Variants in SOX5 observed in about 807,000 individuals in gnomAD.
SOX5 encodes transcription factor SOX-5.
Under a neutral mutation model 92.0 loss-of-function variants are expected in SOX5, and 9 were observed. The ratio of observed to expected loss-of-function variants is 0.10; its 90% confidence interval spans 0.06 to 0.17. The LOEUF (loss-of-function observed/expected upper bound fraction) is 0.17, where lower values mean the gene tolerates loss of function less well. SOX5 is among the 10% of genes least tolerant of loss of function. SOX5 has a pLI of 1.00. For synonymous variants in SOX5, 344 were observed against 336.3 expected (o/e 1.02, Z -0.25); for missense variants, 642 against 944.5 (o/e 0.68, Z 4.20).
intron 6 of SOX5, among the ~76,000 whole-genome samples, chr12:23,689,841 G>A (rs1310937664): frequency 1.3e-5 from 2 of 152,206 alleles, no homozygotes; most frequent in African/African-American, 2.4e-5. Flanking sequence ...TTCTCACAGT[G>A]AGAGATATGT....
chr12:23,723,295 ACT>A (rs2092923949), intron 6 of SOX5, among the ~76,000 whole-genome samples: 1 of 151,828 alleles, frequency 6.6e-6, no homozygotes, highest in African/African-American at 2.4e-5. Context: ...TTTCCAACTT[ACT>A]CTGTTTATTA....
intron 1 of SOX5, among the ~76,000 whole-genome samples, chr12:23,904,950 A>G (rs1373569999): frequency 6.6e-6 from 1 of 152,200 alleles, no homozygotes; most frequent in African/African-American, 2.4e-5. Flanking sequence ...TTAGATGCGC[A>G]AAACAATGTA....
chr12:23,986,770 GA>G (rs565054665), intron 4 of SOX5, among the ~76,000 whole-genome samples: 15 of 152,032 alleles, frequency 9.9e-5, no homozygotes, highest in Non-Finnish European at 1.6e-4. Context: ...TTCTAGGGTG[GA>G]AAAAATAAGT....
chr12:23,852,163 T>C (rs1213587461), intron 2 of SOX5, among the ~76,000 whole-genome samples: 1 of 152,186 alleles, frequency 6.6e-6, no homozygotes, highest in Non-Finnish European at 1.5e-5. Flanking sequence ...CTAAAATACT[T>C]AAACAGGCAT....
intron 6 of SOX5, among the ~76,000 whole-genome samples, chr12:23,723,140 A>T (rs1385093484): frequency 1.3e-5 from 2 of 151,984 alleles, no homozygotes; most frequent in African/African-American, 4.8e-5. Context: ...TTGCCATAAT[A>T]TATTATACTA....
intron 2 of SOX5, among the ~76,000 whole-genome samples, chr12:23,876,635 C>A (rs1447240508): frequency 6.6e-6 from 1 of 152,154 alleles, no homozygotes; most frequent in Non-Finnish European, 1.5e-5. Flanking sequence ...TCCCAATACC[C>A]ATTACTGGGT....
intron 3 of SOX5, among the ~76,000 whole-genome samples, chr12:23,792,622 C>CAAAAAAAAAAAAA (rs749845598): frequency 5.1e-4 from 20 of 38,964 alleles, no homozygotes; most frequent in South Asian, 1.4e-3. Flanking sequence ...GGCTCTGTCT[C>CAAAAAAAAAAAAA]AAAAAAAAAA....
intron 3 of SOX5, among the ~76,000 whole-genome samples, chr12:23,825,677 T>C (rs1045424203): frequency 1.4e-4 from 22 of 152,230 alleles, no homozygotes; most frequent in African/African-American, 4.8e-4. Context: ...AGGACAGAGA[T>C]AGATTTAATA....
chr12:24,256,788 C>T (rs1275272765), intron 3 of SOX5, among the ~76,000 whole-genome samples: 2 of 152,132 alleles, frequency 1.3e-5, no homozygotes, highest in African/African-American at 2.4e-5. Flanking sequence ...GAGCATAAAC[C>T]GACGAAAACT....
At chr12:23,709,064 G>A (rs2091768916) in intron 6 of SOX5, among the ~76,000 whole-genome samples, 1 of 150,552 alleles carries the variant, frequency 6.6e-6, no homozygotes, top group Admixed American at 6.6e-5. Flanking sequence ...GAAGGTTAGG[G>A]ACAAACAAAA....
chr12:24,414,910 A>G (rs1964754579), intron 1 of SOX5, among the ~76,000 whole-genome samples: 1 of 151,542 alleles, frequency 6.6e-6, no homozygotes, highest in Admixed American at 6.6e-5. Flanking sequence ...TCTACTCCAA[A>G]TCCCCAGCAC....
intron 4 of SOX5, among the ~76,000 whole-genome samples, chr12:24,181,129 T>C (rs1189947912): frequency 6.6e-6 from 1 of 152,220 alleles, no homozygotes; most frequent in Non-Finnish European, 1.5e-5. Context: ...TGCATCTTAC[T>C]GAGGAATGGT....
At chr12:24,289,803 G>A (rs1946412511) in intron 2 of SOX5, among the ~76,000 whole-genome samples, 1 of 152,196 alleles carries the variant, frequency 6.6e-6, no homozygotes, top group African/African-American at 2.4e-5. Flanking sequence ...TTATCTTCCT[G>A]TAGAGCAAAA....
At chr12:24,034,425 A>G (rs2136908920) in intron 4 of SOX5, among the ~76,000 whole-genome samples, 1 of 152,088 alleles carries the variant, frequency 6.6e-6, no homozygotes, top group South Asian at 2.1e-4. Flanking sequence ...GTGAGTTACA[A>G]TTAGTTCCGA....
At chr12:24,120,409 C>T (rs1288278708) in intron 4 of SOX5, among the ~76,000 whole-genome samples, 1 of 152,174 alleles carries the variant, frequency 6.6e-6, no homozygotes, top group Admixed American at 6.5e-5. Flanking sequence ...AGCCACTTTA[C>T]ACTGGCCATC....
At chr12:23,839,349 A>G (rs2096483241) in intron 3 of SOX5, among the ~76,000 whole-genome samples, 1 of 152,108 alleles carries the variant, frequency 6.6e-6, no homozygotes, top group South Asian at 2.1e-4. Context: ...GGAGAACATC[A>G]TCTAAAGCTG....
At chr12:24,364,322 C>T (rs1955914992) in intron 2 of SOX5, among the ~76,000 whole-genome samples, 2 of 151,878 alleles carry the variant, frequency 1.3e-5, no homozygotes, top group Non-Finnish European at 2.9e-5. Flanking sequence ...CTGAAACTCA[C>T]ACCTACACAG....
chr12:24,030,731 A>G lies in SOX5; in HGVS notation c.-1-134707T>C, dbSNP rs955996483. 5.7e-4 allele frequency among the ~76,000 whole-genome samples: 87 copies of G among 151,988 alleles called. 1 individual carries two copies. The highest frequency in any genetic ancestry group is 2.1e-3 in the African/African-American group (86 of 41,406). On this transcript the variant is annotated intron_variant, in intron 4 of 4. Coordinates refer to the SOX5 transcript ENST00000446891. ...CTAAAAAGCTTCTGCATAGCAAAGGAAACAACCAACAGAGTAAAGAGACAA... is the reference window on the plus strand; with the variant it reads ...CTAAAAAGCTTCTGCATAGCAAAGGGAACAACCAACAGAGTAAAGAGACAA...
At chr12:24,331,361 TG>T (rs1037515083) in intron 2 of SOX5, 4 of 152,180 alleles carry the variant, frequency 2.6e-5, no homozygotes, top group Non-Finnish European at 5.9e-5. Flanking sequence ...TTGAATAGGA[TG>T]GGCAGCCGTA....
Sources: allele counts gnomAD v4.1 joint callset (sites outside exome capture counted in the v4.1 genomes callset), GRCh38; gene constraint gnomAD v4.1.1; transcripts MANE v1.5; gene names NCBI Gene and HGNC (gene_info 2026-07-23, HGNC 2026-07-21).